The following FBXL17 variants were observed in gnomAD, a reference collection of about 807,000 sequenced individuals.
FBXL17 encodes the protein F-box/LRR-repeat protein 17.
FBXL17 carries 22 observed loss-of-function variants against 66.2 expected under a neutral mutation model. That is an observed-to-expected ratio of 0.33 (90% CI 0.24 to 0.47). The LOEUF (loss-of-function observed/expected upper bound fraction) is 0.47, where lower values mean the gene tolerates loss of function less well. Among genes scored for constraint, FBXL17 ranks in the 20% least tolerant of loss-of-function variants. The pLI is 1.00. For synonymous variants in FBXL17, 474 were observed against 400.5 expected (o/e 1.18, Z -2.19); for missense variants, 878 against 948.2 (o/e 0.93, Z 0.97).
chr5:108,059,885 T>C (rs1255238399), intron 6 of FBXL17, among the ~76,000 whole-genome samples: 1 of 152,014 alleles, frequency 6.6e-6, no homozygotes, highest in African/African-American at 2.4e-5. Context: ...CATACCTACA[T>C]AGAGAGTGAT....
chr5:107,952,042 C>T (rs936557027), intron 7 of FBXL17, among the ~76,000 whole-genome samples: 1 of 151,966 alleles, frequency 6.6e-6, no homozygotes, highest in Non-Finnish European at 1.5e-5. Flanking sequence ...TATATAAGCT[C>T]AATTAATTTC....
chr5:108,158,388 C>T (rs1435453445), intron 6 of FBXL17, among the ~76,000 whole-genome samples: 2 of 151,494 alleles, frequency 1.3e-5, no homozygotes, highest in African/African-American at 4.9e-5. Flanking sequence ...AAATTAAAAC[C>T]TCAAAAAAGG....
chr5:108,045,816 T>C (rs1747232092), intron 6 of FBXL17, among the ~76,000 whole-genome samples: 1 of 152,222 alleles, frequency 6.6e-6, no homozygotes, highest in South Asian at 2.1e-4. Context: ...TCCACTGTGG[T>C]CAGACAATAC....
intron 7 of FBXL17, among the ~76,000 whole-genome samples, chr5:107,917,372 C>T (rs1750165871): frequency 6.6e-6 from 1 of 151,076 alleles, no homozygotes; most frequent in African/African-American, 2.4e-5. Flanking sequence ...AAGCTGTGGA[C>T]TTTTTTTTTA....
chr5:108,209,221 T>C (rs907672751), intron 5 of FBXL17, among the ~76,000 whole-genome samples: 8 of 152,172 alleles, frequency 5.3e-5, no homozygotes, highest in African/African-American at 1.9e-4. Context: ...GCTGAGATGA[T>C]GGGGTTTTCT....
intron 6 of FBXL17, among the ~76,000 whole-genome samples, chr5:108,130,881 AT>A (rs1177444659): frequency 6.6e-6 from 1 of 152,084 alleles, no homozygotes; most frequent in Non-Finnish European, 1.5e-5. Context: ...TCTGGTCCTC[AT>A]TTTAATATAT....
At chr5:108,033,982 A>G (rs1746742710) in intron 6 of FBXL17, among the ~76,000 whole-genome samples, 1 of 152,196 alleles carries the variant, frequency 6.6e-6, no homozygotes. Flanking sequence ...ATAAAAATAT[A>G]TATGTGTCAT....
In FBXL17 at chr5:107,978,545, T is replaced by G. The variant is rs1752676903; in HGVS notation, c.1822+42380A>C. Among the ~76,000 whole-genome samples the G allele has an allele frequency of 2.0e-5, 3 of 152,140 alleles. No individual in the cohort carries two copies. In the South Asian group the frequency reaches 6.2e-4, roughly 32 times the overall value. ...CCTAAAATTGACCTTTCGAGATGTT[T>G]TTTCAGACTTTTACATTTCTGGCCA... On this transcript the variant is annotated intron_variant, in intron 7 of 8. Transcript: ENST00000542267.
chr5:107,995,152 GA>G (rs1753420638), intron 7 of FBXL17, among the ~76,000 whole-genome samples: 1 of 152,090 alleles, frequency 6.6e-6, no homozygotes, highest in South Asian at 2.1e-4. Context: ...TTTTAAAGCA[GA>G]AAAAGAACTA....
chr5:107,909,536 G>A (rs920701231), intron 7 of FBXL17, among the ~76,000 whole-genome samples: 1 of 152,154 alleles, frequency 6.6e-6, no homozygotes, highest in Admixed American at 6.5e-5. Context: ...AGTTCTGGAG[G>A]CCTTTGAAAC....
chr5:107,932,873 A>G (rs1312315308), intron 7 of FBXL17, among the ~76,000 whole-genome samples: 27 of 151,934 alleles, frequency 1.8e-4, no homozygotes, highest in Non-Finnish European at 1.6e-4. Context: ...TAAGAAATAC[A>G]TAAGATGTCT....
intron 8 of FBXL17, chr5:107,879,989 AT>A (rs1476543400): frequency 3.6e-5 from 28 of 768,400 alleles, no homozygotes; most frequent in Non-Finnish European, 4.3e-5. Context: ...GCAAATAACT[AT>A]TTCTTAGACT....
In FBXL17 at chr5:108,316,880, T is replaced by C. The variant is rs1759389589; in HGVS notation, c.1506+31519A>G. On this transcript the variant is annotated intron_variant, in intron 4 of 8. Transcript: ENST00000542267. ...TGGAAACTTTGTAAGTTATTATACA[T>C]CCAGTTAATTACATGAAATATAAGT... is the stretch of plus-strand genomic sequence containing the variant. Among the ~76,000 whole-genome samples, 4 of 151,322 alleles carry C rather than the reference T, an allele frequency of 2.6e-5. No individual in the cohort carries two copies. The South Asian group carries it at 8.3e-4, about 31-fold the overall frequency.
chr5:108,052,827 T>C (rs935295053), intron 6 of FBXL17, among the ~76,000 whole-genome samples: 4 of 152,168 alleles, frequency 2.6e-5, no homozygotes, highest in African/African-American at 7.2e-5. Flanking sequence ...CAAAACAGCA[T>C]GGTACTGGTA....
chr5:108,367,877 A>G lies in FBXL17; in HGVS notation c.1070T>C (p.Leu357Ser), dbSNP rs1748772707. 6.4e-7 allele frequency: 1 copy of G among 1,551,070 alleles called. No homozygotes were observed. The highest frequency in any genetic ancestry group is 8.7e-7 in the Non-Finnish European group (1 of 1,146,518). ...CAGCTGCTTCCAAAACTGGAAGTCTAAACAAAGGTCACGCCAGTACTTGCA... is the reference window on the plus strand; with the variant it reads ...CAGCTGCTTCCAAAACTGGAAGTCTGAACAAAGGTCACGCCAGTACTTGCA... ...LVCKYWRDLC[L>S]DFQFWKQLDL... Residue 357 changes from leucine (L) to serine (S), a missense_variant, in exon 2 of 9, where the codon TTA becomes TCA. Leu to Ser is a moderately radical substitution (Grantham distance 145). Around this residue, in one of 4 missense-constraint regions of FBXL17, gnomAD observed 236 missense variants for 389.1 expected, o/e 0.61. Coordinates refer to ENST00000542267, the MANE Select transcript of FBXL17 (RefSeq NM_001163315.3).
At position 108,073,749 on chromosome 5, in the gene FBXL17, T is replaced by G. The variant is rs528169626; in HGVS notation, c.1746-52748A>C. ...AAGCAAGAGTTCACACAAGATCTAT[T>G]GTTTAAAAGAGCCTGGCACTTCCTC... On this transcript the variant is annotated intron_variant, in intron 6 of 8. Transcript: ENST00000542267. 2.6e-5 allele frequency among the ~76,000 whole-genome samples: 4 copies of G among 152,120 alleles called. No homozygotes were observed. The South Asian group carries it at 8.3e-4, about 32-fold the overall frequency.
At chr5:108,361,142 T>G (rs1748314536) in intron 3 of FBXL17, among the ~76,000 whole-genome samples, 1 of 152,104 alleles carries the variant, frequency 6.6e-6, no homozygotes, top group Non-Finnish European at 1.5e-5. Context: ...GGGTAATACT[T>G]TTTTCTTTGC....
At chr5:108,217,809 T>C (rs1754673640) in intron 5 of FBXL17, among the ~76,000 whole-genome samples, 1 of 152,114 alleles carries the variant, frequency 6.6e-6, no homozygotes, top group Non-Finnish European at 1.5e-5. Flanking sequence ...GTAACCACCA[T>C]TCTAATCTGA....
intron 6 of FBXL17, among the ~76,000 whole-genome samples, chr5:108,127,031 T>C (rs1049479761): frequency 1.3e-5 from 2 of 152,142 alleles, no homozygotes; most frequent in Non-Finnish European, 2.9e-5. Flanking sequence ...AATCAGACTA[T>C]ATTTACTTCA....
Sources: gnomAD v4.1 joint callset for allele counts (sites outside exome capture counted in the v4.1 genomes callset) on GRCh38, gnomAD v4.1.1 for gene constraint, gnomAD v4.1.1 regional missense constraint, MANE v1.5 for transcripts, NCBI Gene and HGNC (gene_info 2026-07-23, HGNC 2026-07-21) for gene names.